Variants in CHD1 observed in about 807,000 individuals in gnomAD.
The protein encoded by CHD1 is ATP-dependent chromatin remodeler CHD1.
In CHD1, 36 loss-of-function variants were observed where a neutral mutation model predicts 224.2. The observed-to-expected ratio is 0.16, with a 90% CI of 0.12 to 0.21. The LOEUF (loss-of-function observed/expected upper bound fraction) is 0.21, where lower values mean the gene tolerates loss of function less well. Among genes scored for constraint, CHD1 ranks in the 10% least tolerant of loss-of-function variants. CHD1 has a pLI of 1.00. For synonymous variants in CHD1, 668 were observed against 658.3 expected, an observed-to-expected ratio of 1.01 and a Z score of -0.23; for missense variants, 1,378 against 1,994.8, an observed-to-expected ratio of 0.69 and a Z score of 5.89.
chr5:98,925,831 G>A (rs1040235250), intron 2 of CHD1, among the ~76,000 whole-genome samples: 4 of 151,114 alleles, frequency 2.6e-5, no homozygotes, highest in Admixed American at 1.3e-4. Flanking sequence ...AGCCACATGT[G>A]ATTATTCAGC....
rs1748326753 is a variant in CHD1 at position 98,859,815 on chromosome 5, G to T, written c.4524+157C>A. Reference sequence around the variant, plus strand: ...CCCATTAATTTTACCTCTCTTCTGTGAATCTCGCCTGCAACAATCATTACT... The same window carrying T: ...CCCATTAATTTTACCTCTCTTCTGTTAATCTCGCCTGCAACAATCATTACT... On this transcript the variant is annotated intron_variant, in intron 33 of 35. Transcript: ENST00000614616. Among the ~76,000 whole-genome samples, 3 of 152,006 alleles carry T rather than the reference G, an allele frequency of 2.0e-5. No homozygotes were observed. In the South Asian group the frequency reaches 6.2e-4, roughly 31 times the overall value.
At chr5:98,890,975 G>A (rs1453741008) in intron 15 of CHD1, among the ~76,000 whole-genome samples, 1 of 152,126 alleles carries the variant, frequency 6.6e-6, no homozygotes, top group Non-Finnish European at 1.5e-5. Flanking sequence ...AATTTTTTGA[G>A]ACAACAGAGA....
chr5:98,892,634 C>G lies in CHD1; in HGVS notation c.2071G>C (p.Glu691Gln). The stretch of plus-strand genomic sequence containing the variant: ...TTAACTCGGCGTAACAGAAATGGCT[C>G]AAGCTCCTTGTGAAGGCTTGCATAA... Reference protein sequence around the residue: ...YGYASLHKELEPFLLRRVKKD... With the variant: ...YGYASLHKELQPFLLRRVKKD... Residue 691 changes from glutamate to glutamine, a missense_variant, in exon 15 of 36, where the codon GAG becomes CAG. By Grantham distance (29) the Glu-to-Gln change is conservative. Coordinates refer to ENST00000614616, the MANE Select transcript of CHD1 (RefSeq NM_001270.4). The G allele has an allele frequency of 6.2e-7, 1 of 1,613,840 alleles. No homozygotes were observed. Among genetic ancestry groups the G allele is most frequent in the Non-Finnish European group, 8.5e-7 (1 of 1,179,760 alleles).
At chr5:98,908,575 C>T (rs900122253) in intron 2 of CHD1, among the ~76,000 whole-genome samples, 12 of 152,078 alleles carry the variant, frequency 7.9e-5, no homozygotes, top group Non-Finnish European at 1.6e-4. Flanking sequence ...CACAGTTTTA[C>T]ATATTTTATG....
intron 10 of CHD1, among the ~76,000 whole-genome samples, chr5:98,898,021 G>A (rs1222268655): frequency 1.3e-5 from 2 of 150,436 alleles, no homozygotes; most frequent in Non-Finnish European, 3.0e-5. Flanking sequence ...AAGATACATT[G>A]ACGAAAACAT....
chr5:98,923,467 G>A (rs942546693), intron 2 of CHD1, among the ~76,000 whole-genome samples: 35 of 150,838 alleles, frequency 2.3e-4, no homozygotes, highest in Admixed American at 9.9e-4. Context: ...CCAGGCTGGA[G>A]TGCAATCGCG....
chr5:98,913,725 A>G (rs1159756340), intron 2 of CHD1, among the ~76,000 whole-genome samples: 1 of 152,192 alleles, frequency 6.6e-6, no homozygotes, highest in Non-Finnish European at 1.5e-5. Context: ...AAAAGATGTT[A>G]TTAGTTGGTG....
Position 98,900,848 on chromosome 5 carries a change from T to C in CHD1, c.822A>G (p.Ile274Met). 6.2e-7 allele frequency: 1 copy of C among 1,612,534 alleles called. No homozygotes were observed. Among genetic ancestry groups the C allele is most frequent in the Non-Finnish European group, 8.5e-7 (1 of 1,179,570 alleles). Residue 274 changes from isoleucine (I) to methionine (M), a missense_variant, in exon 7 of 36, where the codon ATA becomes ATG. Physicochemically the swap from Ile to Met is conservative, Grantham distance 10. Transcript: ENST00000614616. Reference sequence around the variant, plus strand: ...CAATCCGACAATCCATAAATCTTTCTATGGTTTCAAATTCCTCTTCCTCAG... The same window carrying C: ...CAATCCGACAATCCATAAATCTTTCCATGGTTTCAAATTCCTCTTCCTCAG... ...PQPEEEEFET[I>M]ERFMDCRIGR... is the part of the protein sequence containing the mutation.
intron 2 of CHD1, among the ~76,000 whole-genome samples, chr5:98,922,268 A>G (rs1753147867): frequency 6.6e-6 from 1 of 152,242 alleles, no homozygotes; most frequent in African/African-American, 2.4e-5. Context: ...GAAATCTTCC[A>G]GCATTATCTT....
intron 2 of CHD1, among the ~76,000 whole-genome samples, chr5:98,915,651 G>A (rs1172593904): frequency 6.6e-6 from 1 of 151,994 alleles, no homozygotes; most frequent in African/African-American, 2.4e-5. Context: ...ACAACAACAA[G>A]GCAAACCTTA....
chr5:98,901,997 G>A (rs914799888), intron 5 of CHD1, among the ~76,000 whole-genome samples: 5 of 151,990 alleles, frequency 3.3e-5, no homozygotes, highest in Admixed American at 2.0e-4. Context: ...TGCACCAATT[G>A]TAACTATGAT....
At chr5:98,881,240 T>C in intron 21 of CHD1, 39 bp downstream of exon 21, 2 of 1,392,520 alleles carry the variant, frequency 1.4e-6, no homozygotes, top group Non-Finnish European at 1.9e-6. Context: ...TGACACATAT[T>C]CTGAGGCAGG....
chr5:98,870,885 AAT>A, intron 28 of CHD1, 82 bp from the exon 29 acceptor site: 2 of 748,482 alleles, frequency 2.7e-6, no homozygotes, highest in Admixed American at 2.3e-5. Context: ...TAACCATTTA[AAT>A]ATATATATAG....
In CHD1 at chr5:98,872,163, T is replaced by G. The variant is rs1056839549; in HGVS notation, c.3749A>C (p.Asp1250Ala). The G allele has an allele frequency of 6.2e-7, 1 of 1,613,718 alleles. No individual in the cohort carries two copies. The highest frequency in any genetic ancestry group is 8.5e-7 in the Non-Finnish European group (1 of 1,179,804). Residue 1250 changes from aspartate (D) to alanine (A), a missense_variant, in exon 28 of 36, where the codon GAT (aspartate) becomes GCT (alanine). Transcript: ENST00000614616. Reference protein sequence around the residue: ...IPCHTKAAHFDIDWGKEDDSN... With the variant: ...IPCHTKAAHFAIDWGKEDDSN... Reference sequence around the variant, plus strand: ...ATCATCTTCTTTGCCCCAGTCTATATCAAAATGAGCTGCCTTTGTGTGGCA... The same window carrying G: ...ATCATCTTCTTTGCCCCAGTCTATAGCAAAATGAGCTGCCTTTGTGTGGCA...
chr5:98,888,574 C>G (rs918376169), intron 16 of CHD1, among the ~76,000 whole-genome samples: 2 of 152,124 alleles, frequency 1.3e-5, no homozygotes, highest in Non-Finnish European at 2.9e-5. Flanking sequence ...AACTAAGCAA[C>G]CAAAGGTTTA....
chr5:98,911,297 G>A lies in CHD1; in HGVS notation c.54-6199C>T, dbSNP rs1752408646. ...AAAGACAGTTAAGGATCACTGCTCA[G>A]TAAATAAAACAGGAACCCTTGAGTC... On this transcript the variant is annotated intron_variant, in intron 2 of 35. Coordinates refer to ENST00000614616, the MANE Select transcript of CHD1 (RefSeq NM_001270.4). Among the ~76,000 whole-genome samples, 4 of 151,452 alleles carry A rather than the reference G, an allele frequency of 2.6e-5. No homozygotes were observed. The South Asian group carries it at 8.3e-4, about 32-fold the overall frequency.
intron 2 of CHD1, among the ~76,000 whole-genome samples, chr5:98,911,134 A>G (rs1240368792): frequency 1.3e-5 from 1 of 74,660 alleles, no homozygotes; most frequent in African/African-American, 6.5e-5. Context: ...TAAAATGAAA[A>G]AAAAAAAAAA....
At position 98,901,354 on chromosome 5, in the gene CHD1, A is replaced by C. The variant is rs1751698061; in HGVS notation, c.438-19T>G. 2 of 1,587,066 alleles carry C rather than the reference A, an allele frequency of 1.3e-6. No individual in the cohort carries two copies. The highest frequency in any genetic ancestry group is 1.7e-6 in the Non-Finnish European group (2 of 1,170,954). ...ATCTTCACTGCAGACAAAATTTATA[A>C]AGTATTTTTATTTGTACTTATATGG... On this transcript the variant is annotated intron_variant, in intron 5 of 35. Transcript: ENST00000614616.
intron 2 of CHD1, among the ~76,000 whole-genome samples, chr5:98,906,524 CAT>C (rs2112557995): frequency 6.6e-6 from 1 of 152,240 alleles, no homozygotes; most frequent in Non-Finnish European, 1.5e-5. Flanking sequence ...TGAGAACTAT[CAT>C]GTGTTAGGCA....
Sources: allele counts gnomAD v4.1 joint callset (sites outside exome capture counted in the v4.1 genomes callset), GRCh38; gene constraint gnomAD v4.1.1; transcripts MANE v1.5; gene names NCBI Gene and HGNC (gene_info 2026-07-23, HGNC 2026-07-21).